The following TENM4 variants were observed in gnomAD, a reference collection of about 807,000 sequenced individuals.
The protein encoded by TENM4 is teneurin transmembrane protein 4, also known as teneurin-4.
Under a neutral mutation model 243.3 loss-of-function variants are expected in TENM4, and 82 were observed. The observed-to-expected ratio is 0.34, with a 90% CI of 0.28 to 0.40. The LOEUF is 0.40. Ranked by LOEUF, TENM4 falls within the 10% of genes least tolerant of loss-of-function variation. TENM4 has a pLI of 1.00. For missense variants in TENM4, 3,138 were observed against 3,673.3 expected (o/e 0.85, Z 3.77); for synonymous variants, 1,412 against 1,456.3 (o/e 0.97, Z 0.69).
At chr11:78,889,677 T>A in intron 9 of TENM4, 108 bp downstream of exon 9, 1 of 1,235,140 alleles carries the variant, frequency 8.1e-7, no homozygotes, top group Non-Finnish European at 1.1e-6. Flanking sequence ...TCACACTGCG[T>A]GCTTTGCCTG....
chr11:79,227,785 G>A (rs534511128), intron 2 of TENM4, among the ~76,000 whole-genome samples: 1 of 152,314 alleles, frequency 6.6e-6, no homozygotes, highest in South Asian at 2.1e-4. Context: ...AGAAAGCTTG[G>A]TCAGGTTAGG....
chr11:78,936,183 T>G (rs1238638380), intron 6 of TENM4, among the ~76,000 whole-genome samples: 1 of 151,924 alleles, frequency 6.6e-6, no homozygotes, highest in Non-Finnish European at 1.5e-5. Flanking sequence ...ACTGGAAGAG[T>G]GAAAGAAGGA....
intron 6 of TENM4, among the ~76,000 whole-genome samples, chr11:78,977,408 A>G (rs1857686565): frequency 2.6e-5 from 4 of 152,206 alleles, no homozygotes; most frequent in African/African-American, 9.6e-5. Context: ...GTCCTTGTGG[A>G]ACTTACACTA....
chr11:78,838,120 T>TA (rs35793301), intron 12 of TENM4, among the ~76,000 whole-genome samples: 24 of 152,030 alleles, frequency 1.6e-4, no homozygotes, highest in Admixed American at 1.1e-3. Flanking sequence ...CTTATTAGGC[T>TA]AAAAAAAAGA....
intron 6 of TENM4, among the ~76,000 whole-genome samples, chr11:78,941,641 C>T (rs1287506532): frequency 6.6e-6 from 1 of 152,192 alleles, no homozygotes; most frequent in Non-Finnish European, 1.5e-5. Context: ...GGTGCTGGGG[C>T]AGGGCAGATG....
intron 15 of TENM4, among the ~76,000 whole-genome samples, chr11:78,800,682 G>A (rs1282492212): frequency 6.6e-6 from 1 of 151,896 alleles, no homozygotes; most frequent in Admixed American, 6.6e-5. Context: ...CCTAATGTAT[G>A]TTTGTCCCTA....
intron 12 of TENM4, among the ~76,000 whole-genome samples, chr11:78,832,859 G>A (rs1442959933): frequency 2.0e-5 from 3 of 152,168 alleles, no homozygotes; most frequent in Non-Finnish European, 4.4e-5. Context: ...CTAAATTGTC[G>A]ACATGTTCCA....
chr11:79,082,542 T>G (rs1461364792), intron 4 of TENM4, among the ~76,000 whole-genome samples: 1 of 145,270 alleles, frequency 6.9e-6, no homozygotes, highest in Non-Finnish European at 1.5e-5. Context: ...AATCTATGCC[T>G]GAGAACTGCC....
At chr11:79,417,275 A>G (rs1251562869) in intron 1 of TENM4, among the ~76,000 whole-genome samples, 1 of 152,210 alleles carries the variant, frequency 6.6e-6, no homozygotes, top group Non-Finnish European at 1.5e-5. Flanking sequence ...AGGGCAAGGC[A>G]GTGTAGTGCA....
intron 16 of TENM4, among the ~76,000 whole-genome samples, chr11:78,786,268 G>A (rs987734295): frequency 6.6e-5 from 10 of 152,212 alleles, no homozygotes; most frequent in African/African-American, 1.7e-4. Context: ...AGCTGAGGAC[G>A]GGGGAAGATC....
intron 2 of TENM4, among the ~76,000 whole-genome samples, chr11:79,275,224 G>T (rs1217670114): frequency 7.2e-6 from 1 of 138,020 alleles, no homozygotes; most frequent in African/African-American, 3.2e-5. Flanking sequence ...ATGTGTGAGC[G>T]GGGTGTGTGT....
chr11:79,031,970 T>C (rs1335715145), intron 6 of TENM4, among the ~76,000 whole-genome samples: 1 of 152,200 alleles, frequency 6.6e-6, no homozygotes, highest in South Asian at 2.1e-4. Context: ...CAAAGCGTTG[T>C]CTGGCTCCAA....
intron 6 of TENM4, among the ~76,000 whole-genome samples, chr11:79,023,802 T>C (rs1388927227): frequency 6.6e-6 from 1 of 152,098 alleles, no homozygotes; most frequent in African/African-American, 2.4e-5. Flanking sequence ...GCTGGGCCAA[T>C]ACTGGGGAAC....
At chr11:78,884,074 G>A (rs72943539) in intron 9 of TENM4, among the ~76,000 whole-genome samples, 16,065 of 152,230 alleles carry the variant, frequency 0.11, 1,032 homozygotes, top group African/African-American at 0.19. Flanking sequence ...GTGTCAGGGA[G>A]TGAGCTAGGT....
rs1199147375 is a variant in TENM4 at position 78,729,473 on chromosome 11, C to G, written c.3309G>C (p.Arg1103Ser). ...LMVAVEGRLF[R>S]KWFAAAPDLS... ...GGTCTGGGGCTGCAGCGAACCACTT[C>G]CTGAAGAGGCGGCCCTCCACCGCTA... Residue 1103 changes from arginine (R) to serine (S), a missense_variant, in exon 22 of 34, where the codon AGG (arginine) becomes AGC (serine). Around this residue, in one of 2 missense-constraint regions of TENM4, gnomAD observed 2,467 missense variants for 3,059.1 expected, o/e 0.81. Transcript: ENST00000278550. 6.2e-7 allele frequency: 1 copy of G among 1,612,690 alleles called. No individual in the cohort carries two copies. Among genetic ancestry groups the G allele is most frequent in the South Asian group, 1.1e-5 (1 of 90,898 alleles).
At chr11:79,031,530 C>A (rs796645447) in intron 6 of TENM4, among the ~76,000 whole-genome samples, 8 of 152,308 alleles carry the variant, frequency 5.3e-5, no homozygotes, top group African/African-American at 1.9e-4. Context: ...GGGTAGAGAG[C>A]TCACCGCTGC....
At chr11:78,891,388 G>A in intron 7 of TENM4, 52 bp from the exon 8 acceptor site, 1 of 1,478,172 alleles carries the variant, frequency 6.8e-7, no homozygotes. Flanking sequence ...ATTGATGAAG[G>A]GGGCTAGTAG....
chr11:78,739,317 C>T (rs1485365855), intron 19 of TENM4, among the ~76,000 whole-genome samples: 1 of 152,182 alleles, frequency 6.6e-6, no homozygotes, highest in Non-Finnish European at 1.5e-5. Context: ...CATTCCTGCA[C>T]TCCTCTCCCA....
chr11:79,395,581 A>C (rs1858326788), intron 1 of TENM4, among the ~76,000 whole-genome samples: 1 of 152,180 alleles, frequency 6.6e-6, no homozygotes, highest in African/African-American at 2.4e-5. Flanking sequence ...CAAGTTCCAA[A>C]AGGCCACAGG....
Sources: allele counts gnomAD v4.1 joint callset (sites outside exome capture counted in the v4.1 genomes callset), GRCh38; gene constraint gnomAD v4.1.1; regional missense constraint gnomAD v4.1.1; transcripts MANE v1.5; gene names NCBI Gene and HGNC (gene_info 2026-07-23, HGNC 2026-07-21).